Variants in ERICH5 observed in about 807,000 individuals in gnomAD.
ERICH5 encodes glutamate-rich protein 5.
Under a neutral mutation model 28.0 loss-of-function variants are expected in ERICH5, and 24 were observed. The observed-to-expected ratio is 0.86, with a 90% confidence interval of 0.62 to 1.21. The LOEUF (loss-of-function observed/expected upper bound fraction) is 1.21. ERICH5 is among the 50% of genes most tolerant of loss of function. The pLI, the probability that ERICH5 is intolerant of heterozygous loss-of-function variation, is 0.00. For missense variants in ERICH5, 421 were observed against 441.2 expected (o/e 0.95, Z 0.41); for synonymous variants, 163 against 157.6 (o/e 1.03, Z -0.25).
At chr8:98,084,179 C>T (rs978146873) in intron 1 of ERICH5, among the ~76,000 whole-genome samples, 16 of 150,556 alleles carry the variant, frequency 1.1e-4, no homozygotes, top group African/African-American at 3.2e-4. Flanking sequence ...ATGCTGTGCC[C>T]GGCCTATCCT....
intron 1 of ERICH5, among the ~76,000 whole-genome samples, chr8:98,085,769 G>A (rs950324649): frequency 1.1e-4 from 16 of 152,184 alleles, no homozygotes; most frequent in African/African-American, 3.4e-4. Flanking sequence ...GCCTCCAGCC[G>A]CACTATCCTT....
intron 1 of ERICH5, among the ~76,000 whole-genome samples, chr8:98,085,112 T>C (rs1815249397): frequency 6.6e-6 from 1 of 150,992 alleles, no homozygotes; most frequent in African/African-American, 2.4e-5. Flanking sequence ...TGGGTCGTAT[T>C]CCCTGGTGTG....
chr8:98,091,917 C>CTTTCTTTCTTTCT (rs1278720071), intron 2 of ERICH5, among the ~76,000 whole-genome samples: 2 of 71,098 alleles, frequency 2.8e-5, no homozygotes, highest in African/African-American at 1.2e-4. Flanking sequence ...TTCTTTCTTT[C>CTTTCTTTCTTTCT]TTCCTTTCTT....
chr8:98,073,485 T>A (rs1451658501), intron 1 of ERICH5, among the ~76,000 whole-genome samples: 1 of 3,176 alleles, frequency 3.1e-4, no homozygotes, highest in African/African-American at 1.5e-3. Flanking sequence ...TATATATATA[T>A]GTATATATAT....
At chr8:98,092,921 T>A (rs1234886977) in intron 2 of ERICH5, among the ~76,000 whole-genome samples, 6 of 151,796 alleles carry the variant, frequency 4.0e-5, no homozygotes, top group African/African-American at 1.5e-4. Flanking sequence ...GATTACAGGC[T>A]TGTGCCACCA....
At chr8:98,082,559 C>T (rs374226499) in intron 1 of ERICH5, among the ~76,000 whole-genome samples, 2 of 151,088 alleles carry the variant, frequency 1.3e-5, no homozygotes, top group African/African-American at 2.4e-5. Context: ...GCAGGGGACT[C>T]GCTTGAACCT....
chr8:98,080,236 C>G (rs1815152816), intron 1 of ERICH5, among the ~76,000 whole-genome samples: 1 of 152,126 alleles, frequency 6.6e-6, no homozygotes, highest in Non-Finnish European at 1.5e-5. Context: ...TCTAACAAGC[C>G]TGAAAGGCAA....
In ERICH5 at chr8:98,065,605, A is replaced by G. The variant is rs60201098; in HGVS notation, c.58+878A>G. Among the ~76,000 whole-genome samples the G allele has an allele frequency of 4.4e-3, 667 of 152,344 alleles. 5 individuals are homozygous for G. Among genetic ancestry groups the G allele is most frequent in the African/African-American group, 0.013 (561 of 41,578 alleles). On this transcript the variant is annotated intron_variant, in intron 1 of 2. Transcript: ENST00000318528. ...GGCTAAGATCGTTTCTGACAGTGATAAGTACTGTGAAAAGTATAAACGCAG... is the reference window on the plus strand; with the variant it reads ...GGCTAAGATCGTTTCTGACAGTGATGAGTACTGTGAAAAGTATAAACGCAG...
At position 98,064,735 on chromosome 8, in the gene ERICH5, G is replaced by A. The variant is rs1258867703; in HGVS notation, c.58+8G>A. The stretch of plus-strand genomic sequence containing the variant: ...GCAGCAGGTTCCCCAGCGGTGAGCA[G>A]GGTACCGGCGCCGCCCGCGCCCGGG... On this transcript the variant is annotated splice_region_variant and intron_variant, in intron 1 of 2. Transcript: ENST00000318528. The A allele has an allele frequency of 2.6e-6, 4 of 1,527,234 alleles. No individual in the cohort carries two copies. The highest frequency in any genetic ancestry group is 3.5e-6 in the Non-Finnish European group (4 of 1,140,284). The allele number at this position is 1,527,234 out of a possible 1,614,324, so 94.6% of individuals were successfully genotyped here.
chr8:98,071,472 C>T (rs541918145), intron 1 of ERICH5, among the ~76,000 whole-genome samples: 1 of 152,144 alleles, frequency 6.6e-6, no homozygotes, highest in South Asian at 2.1e-4. Flanking sequence ...GTGAGTAGTA[C>T]TAGGTAATTT....
At chr8:98,084,476 G>A (rs1175774967) in intron 1 of ERICH5, among the ~76,000 whole-genome samples, 1 of 151,842 alleles carries the variant, frequency 6.6e-6, no homozygotes, top group Admixed American at 6.6e-5. Flanking sequence ...TCTGCCGCCC[G>A]GGTTCAATTT....
intron 2 of ERICH5, among the ~76,000 whole-genome samples, chr8:98,092,285 C>T (rs949870327): frequency 6.6e-6 from 1 of 151,950 alleles, no homozygotes; most frequent in African/African-American, 2.4e-5. Flanking sequence ...ATCCATTCTC[C>T]CTCCTCGGCC....
intron 1 of ERICH5, among the ~76,000 whole-genome samples, chr8:98,080,357 A>G (rs1009444262): frequency 1.3e-5 from 2 of 152,210 alleles, no homozygotes; most frequent in Non-Finnish European, 1.5e-5. Context: ...ACCCAGTGCT[A>G]GAACAGTCTC....
chr8:98,077,970 T>A (rs1815089766), intron 1 of ERICH5, among the ~76,000 whole-genome samples: 1 of 152,224 alleles, frequency 6.6e-6, no homozygotes, highest in African/African-American at 2.4e-5. Context: ...ATATGTAAAT[T>A]CAGGTGCTTT....
intron 1 of ERICH5, among the ~76,000 whole-genome samples, chr8:98,079,153 CT>C (rs59165735): frequency 0.49 from 64,411 of 131,744 alleles, 16,274 homozygotes; most frequent in Non-Finnish European, 0.56. Flanking sequence ...ACATTTTCCT[CT>C]TTTTTTTTTT....
chr8:98,085,796 C>A (rs1038552450), intron 1 of ERICH5, among the ~76,000 whole-genome samples: 6 of 152,206 alleles, frequency 3.9e-5, no homozygotes, highest in African/African-American at 1.4e-4. Context: ...GTCCTCCAGG[C>A]TTCCCCACGT....
At chr8:98,079,331 C>T (rs1466789049) in intron 1 of ERICH5, among the ~76,000 whole-genome samples, 5 of 151,762 alleles carry the variant, frequency 3.3e-5, no homozygotes, top group Non-Finnish European at 5.9e-5. Context: ...CCACCATGCC[C>T]AGCTAATCCA....
Position 98,075,785 on chromosome 8 carries a change from C to CTTTTTTTTTTTTTTTTTTTTT in ERICH5, c.58+11077_58+11078insTTTTTTTTTTTTTTTTTTTTT, listed in dbSNP as rs1296283210. 2.7e-4 allele frequency among the ~76,000 whole-genome samples: 22 copies of CTTTTTTTTTTTTTTTTTTTTT among 81,644 alleles called. 5 individuals are homozygous for CTTTTTTTTTTTTTTTTTTTTT. Among genetic ancestry groups the CTTTTTTTTTTTTTTTTTTTTT allele is most frequent in the Admixed American group, 3.6e-4 (2 of 5,566 alleles). 53.6% of individuals were successfully genotyped at this position (81,644 alleles called of 152,430 possible). ...TAACTCCCATCTCAAGCACACCTGCCTTTTTTTTTTTTTTTTTTTGAGACA... is the reference window on the plus strand; with the variant it reads ...TAACTCCCATCTCAAGCACACCTGCCTTTTTTTTTTTTTTTTTTTTTTTTTTTTTTTTTTTTTTTTGAGACA... On this transcript the variant is annotated intron_variant, in intron 1 of 2. Transcript: ENST00000318528.
intron 1 of ERICH5, among the ~76,000 whole-genome samples, chr8:98,079,047 G>A (rs1289589683): frequency 6.6e-6 from 1 of 152,034 alleles, no homozygotes; most frequent in South Asian, 2.1e-4. Context: ...GAAATACTTG[G>A]GTAAGAGGTA....
Sources: allele counts gnomAD v4.1 joint callset (sites outside exome capture counted in the v4.1 genomes callset), GRCh38; gene constraint gnomAD v4.1.1; transcripts MANE v1.5; gene names NCBI Gene and HGNC (gene_info 2026-07-23, HGNC 2026-07-21).